Variants in DCLK2 observed in about 807,000 individuals in gnomAD.
DCLK2 encodes the protein doublecortin like kinase 2.
Under a neutral mutation model 78.4 loss-of-function variants are expected in DCLK2, and 31 were observed. That is an observed-to-expected ratio of 0.40 (90% CI 0.30 to 0.53). DCLK2 has a LOEUF of 0.53. DCLK2 is among the 20% of genes least tolerant of loss of function. The pLI, the probability that DCLK2 is intolerant of heterozygous loss-of-function variation, is 0.61. For synonymous variants in DCLK2, 407 were observed against 374.9 expected, an observed-to-expected ratio of 1.09 and a Z score of -0.99; for missense variants, 872 against 973.7, an observed-to-expected ratio of 0.90 and a Z score of 1.39.
chr4:150,154,577 G>T (rs1355135077), intron 2 of DCLK2, among the ~76,000 whole-genome samples: 1 of 152,016 alleles, frequency 6.6e-6, no homozygotes, highest in Admixed American at 6.6e-5. Context: ...TCCTTGTTTT[G>T]ATTTTTTTTA....
intron 2 of DCLK2, among the ~76,000 whole-genome samples, chr4:150,179,442 G>GTA (rs1275118006): frequency 6.6e-6 from 1 of 152,192 alleles, no homozygotes; most frequent in East Asian, 1.9e-4. Flanking sequence ...GTTTTCCAAA[G>GTA]TAAGTATAGA....
intron 2 of DCLK2, among the ~76,000 whole-genome samples, chr4:150,186,384 A>G (rs985292327): frequency 6.6e-6 from 1 of 152,224 alleles, no homozygotes; most frequent in Non-Finnish European, 1.5e-5. Context: ...GTCCAAACAG[A>G]TATTTTAAAG....
Position 150,249,579 on chromosome 4 carries a change from C to T in DCLK2, c.1968C>T (p.Ser656=), listed in dbSNP as rs1012221915. Residue 656 remains serine (S), a synonymous_variant, in exon 15 of 16, where the codon TCC becomes TCT. Coordinates refer to ENST00000296550, the MANE Select transcript of DCLK2 (RefSeq NM_001040260.4). The part of the protein sequence containing the change: ...LSHPWVSDDA[S]QENNMQAEVT... ...TTTCTTTCCTGTAGGATGATGCCTC[C>T]CAGGAGAATAACATGCAAGCTGAGG... 1.2e-6 allele frequency: 2 copies of T among 1,613,122 alleles called. No homozygotes were observed. Among genetic ancestry groups the T allele is most frequent in the African/African-American group, 1.3e-5 (1 of 74,826 alleles).
intron 2 of DCLK2, chr4:150,175,521 G>A (rs1169800759): frequency 6.6e-6 from 1 of 151,970 alleles, no homozygotes; most frequent in African/African-American, 2.4e-5. Context: ...ACAGACTAAG[G>A]CAGAACACGT....
chr4:150,098,585 T>C (rs1054411936), intron 1 of DCLK2, among the ~76,000 whole-genome samples: 1 of 152,164 alleles, frequency 6.6e-6, no homozygotes, highest in African/African-American at 2.4e-5. Context: ...AATTGTCTAG[T>C]GGTGAAGTCT....
At chr4:150,221,976 G>A (rs13108375) in intron 7 of DCLK2, among the ~76,000 whole-genome samples, 191 bp downstream of exon 7, 112,314 of 141,600 alleles carry the variant, frequency 0.79, 44,522 homozygotes, top group South Asian at 0.9. Context: ...TTGTTTGTTT[G>A]TTTATTTATT....
chr4:150,114,241 G>A (rs891702791), intron 2 of DCLK2, among the ~76,000 whole-genome samples: 2 of 152,128 alleles, frequency 1.3e-5, no homozygotes, highest in Non-Finnish European at 2.9e-5. Context: ...AGAATGTTCT[G>A]TAAATATCTG....
chr4:150,193,278 T>C (rs1328457800), intron 3 of DCLK2, 38 bp downstream of exon 3: 1 of 1,362,094 alleles, frequency 7.3e-7, no homozygotes, highest in Non-Finnish European at 1.0e-6. Context: ...TTTCCATCTT[T>C]GTAACCCCTG....
chr4:150,202,205 G>A (rs1484935540), intron 4 of DCLK2, among the ~76,000 whole-genome samples: 1 of 152,170 alleles, frequency 6.6e-6, no homozygotes, highest in African/African-American at 2.4e-5. Flanking sequence ...ACCTTTTAAA[G>A]AAGTTTTTTT....
chr4:150,241,035 A>G (rs976619886), intron 12 of DCLK2, among the ~76,000 whole-genome samples: 10 of 152,178 alleles, frequency 6.6e-5, no homozygotes, highest in African/African-American at 2.2e-4. Context: ...CCTTCCAGGT[A>G]TGTCATCTTC....
rs1243613582 is a variant in DCLK2 at position 150,247,628 on chromosome 4, T to C, written c.1804T>C (p.Phe602Leu). ...TGAGAACAATCTCCAGGAAGATCTCTTCGACCAGATCTTGGCTGGGAAGCT... is the reference window on the plus strand; with the variant it reads ...TGAGAACAATCTCCAGGAAGATCTCCTCGACCAGATCTTGGCTGGGAAGCT... ...RSENNLQEDL[F>L]DQILAGKLEF... The change falls in exon 13 of 16, where the codon TTC becomes CTC. Residue 602 changes from phenylalanine (F) to leucine (L), a missense_variant. By Grantham distance (22) the Phe-to-Leu change is conservative. Around this residue, in one of 3 missense-constraint regions of DCLK2, gnomAD observed 219 missense variants for 230.1 expected, o/e 0.95. Transcript: ENST00000296550. 6.2e-7 allele frequency: 1 copy of C among 1,614,042 alleles called. No individual in the cohort carries two copies. Among genetic ancestry groups the C allele is most frequent in the Non-Finnish European group, 8.5e-7 (1 of 1,179,954 alleles).
At position 150,239,804 on chromosome 4, in the gene DCLK2, G is replaced by A. The variant is rs1231664499; in HGVS notation, c.1629G>A (p.Val543=). 1 of 1,614,204 alleles carries A rather than the reference G, an allele frequency of 6.2e-7. No individual in the cohort carries two copies. Among genetic ancestry groups the A allele is most frequent in the South Asian group, 1.1e-5 (1 of 91,084 alleles). The change falls in exon 11 of 16, where the codon GTG becomes GTA. Residue 543 remains valine, a synonymous_variant. Transcript: ENST00000296550. ...LKLGDFGLAT[V]VEGPLYTVCG... is the part of the protein sequence containing the mutation. ...TGGGAGACTTTGGGCTTGCGACTGT[G>A]GTAGAAGGCCCTTTATACACAGTCT... is the stretch of plus-strand genomic sequence containing the variant.
At chr4:150,250,728 T>C (rs1743727633) in intron 15 of DCLK2, among the ~76,000 whole-genome samples, 1 of 151,698 alleles carries the variant, frequency 6.6e-6, no homozygotes, top group African/African-American at 2.4e-5. Flanking sequence ...AAGGTCCTCC[T>C]TGTTTCCTAC....
At chr4:150,253,987 GAGGCCTTGGTTTC>G in intron 15 of DCLK2, 3 of 857,428 alleles carry the variant, frequency 3.5e-6, no homozygotes, top group Non-Finnish European at 2.8e-6. Flanking sequence ...TTTAATGGGT[GAGGCCTTGGTTTC>G]AGGCAGGGCT....
At chr4:150,218,516 T>C (rs1740920208) in intron 5 of DCLK2, among the ~76,000 whole-genome samples, 1 of 152,172 alleles carries the variant, frequency 6.6e-6, no homozygotes, top group Admixed American at 6.5e-5. Flanking sequence ...AAGGGACTTG[T>C]TGTAGGACCA....
At chr4:150,214,265 C>G (rs987646109) in intron 5 of DCLK2, among the ~76,000 whole-genome samples, 1 of 152,144 alleles carries the variant, frequency 6.6e-6, no homozygotes, top group African/African-American at 2.4e-5. Context: ...CATCTGCAGA[C>G]CTTTTAAAAA....
intron 15 of DCLK2, chr4:150,253,419 C>G (rs1744329872): frequency 7.8e-7 from 1 of 1,289,214 alleles, no homozygotes; most frequent in African/African-American, 1.5e-5. Context: ...GAAATTGGTC[C>G]ATAAAGGTGA....
At chr4:150,134,076 C>CTTTTTTT (rs768954755) in intron 2 of DCLK2, among the ~76,000 whole-genome samples, 36 of 94,834 alleles carry the variant, frequency 3.8e-4, no homozygotes, top group African/African-American at 1.2e-3. Context: ...CGTATAAACT[C>CTTTTTTT]TTTTTTTTTT....
chr4:150,234,965 T>C (rs1391591145), intron 10 of DCLK2, among the ~76,000 whole-genome samples: 1 of 152,170 alleles, frequency 6.6e-6, no homozygotes, highest in Non-Finnish European at 1.5e-5. Flanking sequence ...GGCACAGGGC[T>C]TTCTCCAGGT....
Sources: allele counts gnomAD v4.1 joint callset (sites outside exome capture counted in the v4.1 genomes callset), GRCh38; gene constraint gnomAD v4.1.1; regional missense constraint gnomAD v4.1.1; transcripts MANE v1.5; gene names NCBI Gene and HGNC (gene_info 2026-07-23, HGNC 2026-07-21).